Variants in PHF14 observed in about 807,000 individuals in gnomAD.
The protein encoded by PHF14 is PHD finger protein 14.
In PHF14, 55 loss-of-function variants were observed where a neutral mutation model predicts 117.9. That is an observed-to-expected ratio of 0.47 (90% CI 0.38 to 0.58). PHF14 has a LOEUF of 0.58. Among genes scored for constraint, PHF14 ranks in the 20% least tolerant of loss-of-function variants. The pLI is 0.00. For synonymous variants in PHF14, 409 were observed against 368.6 expected (o/e 1.11, Z -1.26); for missense variants, 978 against 1,122.2 (o/e 0.87, Z 1.84).
At chr7:11,123,138 T>C (rs751538173) in intron 17 of PHF14, among the ~76,000 whole-genome samples, 1 of 152,130 alleles carries the variant, frequency 6.6e-6, no homozygotes, top group African/African-American at 2.4e-5. Context: ...CTGCAGTTGA[T>C]AGCATCTATA....
At chr7:11,043,599 T>C (rs916685717) in intron 13 of PHF14, among the ~76,000 whole-genome samples, 3 of 152,152 alleles carry the variant, frequency 2.0e-5, no homozygotes, top group African/African-American at 7.2e-5. Flanking sequence ...CCTCATTGTT[T>C]TATCACTTAA....
At chr7:11,010,143 A>G in intron 4 of PHF14, among the ~76,000 whole-genome samples, 1 of 152,138 alleles carries the variant, frequency 6.6e-6, no homozygotes. Flanking sequence ...TTATTTTGTA[A>G]ATAAAATATA....
In PHF14 at chr7:11,038,881, C is replaced by G. The variant is rs560153303; in HGVS notation, c.2076+26C>G. 8 of 1,103,116 alleles carry G rather than the reference C, an allele frequency of 7.3e-6. No individual in the cohort carries two copies. The East Asian group carries it at 2.0e-4, about 28-fold the overall frequency. The allele number at this position is 1,103,116 out of a possible 1,614,324, so 68.3% of individuals were successfully genotyped here. ...GTTAGTTTCTTTCCAATTGCTGTCT[C>G]CTTCAGTTCTTGCTCCCTATATGAT... On this transcript the variant is annotated intron_variant, in intron 11 of 17. Transcript: ENST00000634607.
At chr7:11,000,656 A>G (rs1782832919) in intron 4 of PHF14, among the ~76,000 whole-genome samples, 1 of 152,082 alleles carries the variant, frequency 6.6e-6, no homozygotes, top group Non-Finnish European at 1.5e-5. Context: ...CCTTTTGTAT[A>G]TCTTCTTGGA....
intron 4 of PHF14, among the ~76,000 whole-genome samples, chr7:11,004,246 C>CAAAAAAAA (rs55917513): frequency 1.6e-4 from 8 of 51,278 alleles, no homozygotes; most frequent in African/African-American, 5.8e-4. Flanking sequence ...GACTTTGTCT[C>CAAAAAAAA]AAAAAAAAAA....
chr7:10,991,428 G>C (rs2539823), intron 4 of PHF14, among the ~76,000 whole-genome samples: 63,286 of 151,808 alleles, frequency 0.42, 14,851 homozygotes, highest in Non-Finnish European at 0.53. Flanking sequence ...CACCCGCCTT[G>C]GCCACCCAAG....
chr7:11,104,484 G>T, intron 16 of PHF14: 1 of 980,728 alleles, frequency 1.0e-6, no homozygotes, highest in Non-Finnish European at 1.2e-6. Flanking sequence ...GTGTGCTTAA[G>T]AAAATATGTA....
chr7:11,136,339 G>GA (rs1449507200), intron 17 of PHF14, among the ~76,000 whole-genome samples: 5 of 152,000 alleles, frequency 3.3e-5, no homozygotes, highest in African/African-American at 7.2e-5. Flanking sequence ...TATTTGAGCT[G>GA]AAAAATCAGT....
At chr7:11,152,246 T>C (rs1788722215) in intron 17 of PHF14, among the ~76,000 whole-genome samples, 1 of 152,172 alleles carries the variant, frequency 6.6e-6, no homozygotes, top group South Asian at 2.1e-4. Flanking sequence ...CAATTCTAAC[T>C]GTACATACGG....
At chr7:11,096,427 C>G (rs776829406) in intron 16 of PHF14, among the ~76,000 whole-genome samples, 1 of 152,100 alleles carries the variant, frequency 6.6e-6, no homozygotes, top group African/African-American at 2.4e-5. Flanking sequence ...TAACTAGCAT[C>G]AAATATATTT....
chr7:11,036,420 A>G lies in PHF14; in HGVS notation c.1605A>G (p.Ala535=). 6.2e-7 allele frequency: 1 copy of G among 1,607,840 alleles called. No homozygotes were observed. The highest frequency in any genetic ancestry group is 8.5e-7 in the Non-Finnish European group (1 of 1,175,492). The part of the protein sequence containing the change: ...REKQLSPEAQ[A]RINARLQQYR... ...ATTTGAATACATTTCTTTTATAGGC[A>G]AGGATCAATGCCCGGCTTCAGCAGT... The change falls in exon 9 of 18, where the codon GCA becomes GCG. Residue 535 remains alanine (A), a splice_region_variant and synonymous_variant. Transcript: ENST00000634607.
At chr7:10,983,665 C>T (rs1437328407) in intron 3 of PHF14, among the ~76,000 whole-genome samples, 1 of 152,168 alleles carries the variant, frequency 6.6e-6, no homozygotes, top group Non-Finnish European at 1.5e-5. Flanking sequence ...TTGTAGCACT[C>T]ATCATCTTTT....
intron 7 of PHF14, among the ~76,000 whole-genome samples, chr7:11,031,794 G>A (rs2128321128): frequency 6.6e-6 from 1 of 152,142 alleles, no homozygotes; most frequent in South Asian, 2.1e-4. Flanking sequence ...CCGAGCTATT[G>A]TGCAGGCTCA....
intron 4 of PHF14, among the ~76,000 whole-genome samples, chr7:11,008,926 C>T (rs1783235787): frequency 6.6e-6 from 1 of 150,852 alleles, no homozygotes. Context: ...GTCCCAGCTA[C>T]TCGGGAGGCT....
chr7:11,070,385 G>A (rs1212957482), intron 16 of PHF14, among the ~76,000 whole-genome samples: 2 of 152,210 alleles, frequency 1.3e-5, no homozygotes, highest in Non-Finnish European at 2.9e-5. Context: ...GCTAAGCTGT[G>A]TTTTTCAAGG....
intron 3 of PHF14, among the ~76,000 whole-genome samples, chr7:10,989,250 T>C (rs1051829557): frequency 1.3e-5 from 2 of 152,320 alleles, no homozygotes; most frequent in Non-Finnish European, 1.5e-5. Context: ...AATTGTGACC[T>C]TCAAGTGTAT....
chr7:11,103,676 GA>G (rs1787166889), intron 16 of PHF14: 3 of 984,870 alleles, frequency 3.0e-6, no homozygotes, highest in Non-Finnish European at 3.6e-6. Flanking sequence ...AGTGACAATG[GA>G]AAATAGTTTA....
chr7:10,981,102 G>A (rs1395078212), intron 2 of PHF14, among the ~76,000 whole-genome samples: 1 of 152,088 alleles, frequency 6.6e-6, no homozygotes, highest in Non-Finnish European at 1.5e-5. Flanking sequence ...TCATTTGTAT[G>A]TGACTTGTGG....
intron 17 of PHF14, among the ~76,000 whole-genome samples, chr7:11,122,382 C>CACACACACACAT (rs1426617620): frequency 2.5e-4 from 30 of 120,942 alleles, no homozygotes; most frequent in African/African-American, 9.6e-4. Context: ...CACACACACA[C>CACACACACACAT]ACATACATAC....
Sources: allele counts gnomAD v4.1 joint callset (sites outside exome capture counted in the v4.1 genomes callset), GRCh38; gene constraint gnomAD v4.1.1; transcripts MANE v1.5; gene names NCBI Gene and HGNC (gene_info 2026-07-23, HGNC 2026-07-21).